PLAUR: variants seen among roughly 807,000 people sequenced by gnomAD.
The protein encoded by PLAUR is plasminogen activator, urokinase receptor, also known as urokinase plasminogen activator surface receptor.
A neutral mutation model predicts 33.4 loss-of-function variants in PLAUR; 22 were observed. That is an observed-to-expected ratio of 0.66 (90% CI 0.47 to 0.94). The LOEUF is 0.94. Among genes scored for constraint, PLAUR ranks in the 40% least tolerant of loss-of-function variants. The pLI is 0.00. For missense variants in PLAUR, 408 were observed against 434.7 expected, an observed-to-expected ratio of 0.94 and a Z score of 0.55; for synonymous variants, 148 against 167.3, an observed-to-expected ratio of 0.88 and a Z score of 0.89.
chr19:43,660,197 G>A (rs1966912786), intron 3 of PLAUR, among the ~76,000 whole-genome samples: 2 of 142,416 alleles, frequency 1.4e-5, no homozygotes, highest in African/African-American at 5.0e-5. Context: ...ACAGAGTCTT[G>A]CCCTCTCGCT....
downstream of PLAUR, chr19:43,646,463 A>G (rs186353857): frequency 2.8e-6 from 2 of 718,284 alleles, no homozygotes; most frequent in Non-Finnish European, 5.2e-6. Flanking sequence ...GCATTTATAC[A>G]TGAGTAGCTT....
chr19:43,650,942 A>G (rs1973968053), intron 6 of PLAUR, among the ~76,000 whole-genome samples: 1 of 149,850 alleles, frequency 6.7e-6, no homozygotes, highest in South Asian at 2.1e-4. Context: ...CTGAGGCAGG[A>G]GGATTGCTTG....
chr19:43,649,697 G>GAAGA (rs370011166), intron 6 of PLAUR, among the ~76,000 whole-genome samples: 46 of 148,580 alleles, frequency 3.1e-4, no homozygotes, highest in African/African-American at 6.4e-4. Flanking sequence ...AGGAAGGAAG[G>GAAGA]AAGAAAGAAA....
downstream of PLAUR, chr19:43,646,634 G>T: frequency 1.5e-6 from 1 of 685,524 alleles, no homozygotes. Flanking sequence ...CATTCTACTG[G>T]TCAAAGCAGT....
At position 43,648,650 on chromosome 19, in the gene PLAUR, C is replaced by T. The variant is rs1056037816; in HGVS notation, c.*240G>A. On this transcript the variant is annotated 3_prime_UTR_variant, in exon 7 of 7. Transcript: ENST00000340093. The stretch of plus-strand genomic sequence containing the variant: ...ATATTAATTAATAACAACAACACAA[C>T]AGCGGCAACAATATTAATAATAACA... The T allele has an allele frequency of 6.5e-6, 5 of 771,206 alleles. No individual in the cohort carries two copies. The highest frequency in any genetic ancestry group is 4.2e-4 in the Middle Eastern group (1 of 2,394). 47.8% of individuals were successfully genotyped at this position (771,206 alleles called of 1,614,324 possible).
At chr19:43,665,113 G>A in intron 3 of PLAUR, 1 of 596,954 alleles carries the variant, frequency 1.7e-6, no homozygotes, top group Non-Finnish European at 3.0e-6. Context: ...GATTGGAGGT[G>A]AAGTTGAGTT....
At chr19:43,656,722 A>T (rs1188874601) in intron 3 of PLAUR, 82 bp from the exon 4 acceptor site, 2 of 1,175,374 alleles carry the variant, frequency 1.7e-6, no homozygotes, top group African/African-American at 3.1e-5. Context: ...ACTCAAAATC[A>T]ATTCCTCCTT....
chr19:43,668,881 GCTCTTCCTTGA>G (rs1967396079), intron 1 of PLAUR, among the ~76,000 whole-genome samples: 1 of 150,930 alleles, frequency 6.6e-6, no homozygotes, highest in South Asian at 2.1e-4. Flanking sequence ...CTCTCCCGTA[GCTCTTCCTTGA>G]GGTTCCAGCC....
chr19:43,659,321 T>C (rs1671074026), intron 3 of PLAUR, among the ~76,000 whole-genome samples: 1 of 152,042 alleles, frequency 6.6e-6, no homozygotes. Context: ...ACCTGGCTGA[T>C]TCCTGTATTT....
At chr19:43,659,831 C>T (rs192929998) in intron 3 of PLAUR, among the ~76,000 whole-genome samples, 1 of 152,174 alleles carries the variant, frequency 6.6e-6, no homozygotes, top group Non-Finnish European at 1.5e-5. Flanking sequence ...TGTTTCTGAC[C>T]TCTATCAAGC....
At chr19:43,667,715 G>A (rs1253242723) in intron 1 of PLAUR, 24 bp from the exon 2 acceptor site, 1 of 1,612,174 alleles carries the variant, frequency 6.2e-7, no homozygotes, top group Admixed American at 1.7e-5. Flanking sequence ...GGAGAGGAGA[G>A]GAGAGGTTAA....
downstream of PLAUR, chr19:43,646,536 C>T (rs1244633034): frequency 1.4e-6 from 1 of 717,684 alleles, no homozygotes; most frequent in Admixed American, 2.0e-5. Context: ...CCAGCTTCCC[C>T]AGAGTGAGCG....
At chr19:43,656,940 C>A in intron 3 of PLAUR, 1 of 202,272 alleles carries the variant, frequency 4.9e-6, no homozygotes, top group Non-Finnish European at 9.8e-6. Flanking sequence ...ACATTTCTTT[C>A]CTTTTTTTTT....
intron 6 of PLAUR, among the ~76,000 whole-genome samples, chr19:43,649,709 AAAG>A (rs1025084329): frequency 1.3e-5 from 2 of 151,780 alleles, no homozygotes; most frequent in Admixed American, 1.3e-4. Context: ...AGAAAGAAAG[AAAG>A]AAAGGGAAAG....
rs868766904 is a variant in PLAUR, at chr19:43,667,640, A to G, written c.107T>C (p.Val36Ala). The G allele has an allele frequency of 1.2e-6, 2 of 1,614,062 alleles. No individual in the cohort carries two copies. Among genetic ancestry groups the G allele is most frequent in the Admixed American group, 1.7e-5 (1 of 60,018 alleles). Reference sequence around the variant, plus strand: ...GTCCTGTCCCAGGGCGCACTCTTCCACACGGCAATCCCCGTTGGTCTTACA... The same window carrying G: ...GTCCTGTCCCAGGGCGCACTCTTCCGCACGGCAATCCCCGTTGGTCTTACA... The part of the protein sequence containing the change: ...MQCKTNGDCR[V>A]EECALGQDLC... The change falls in exon 2 of 7, where the codon GTG becomes GCG. Residue 36 changes from valine (V) to alanine (A), a missense_variant. By Grantham distance (64) the Val-to-Ala change is moderately conservative. Coordinates refer to ENST00000340093, the MANE Select transcript of PLAUR (RefSeq NM_002659.4).
chr19:43,665,750 T>C (rs1217700216), intron 2 of PLAUR, among the ~76,000 whole-genome samples: 2 of 12,314 alleles, frequency 1.6e-4, no homozygotes, highest in Non-Finnish European at 3.7e-4. Context: ...CACTGGAGCC[T>C]TGACCTCCCA....
downstream of PLAUR, among the ~76,000 whole-genome samples, chr19:43,647,178 A>G (rs113246301): frequency 9.9e-3 from 1,501 of 152,130 alleles, 17 homozygotes; most frequent in African/African-American, 0.034. Context: ...AAGAACATGA[A>G]TTTTTCAATA....
At chr19:43,649,274 GC>G in intron 6 of PLAUR, 131 bp from the exon 7 acceptor site, 1 of 1,028,332 alleles carries the variant, frequency 9.7e-7, no homozygotes, top group Non-Finnish European at 1.4e-6. Context: ...AGTTCTCAGG[GC>G]CAGGTGTGGT....
chr19:43,656,398 T>C, intron 4 of PLAUR, 81 bp downstream of exon 4: 1 of 1,293,226 alleles, frequency 7.7e-7, no homozygotes, highest in Non-Finnish European at 1.1e-6. Context: ...GACATCCCTG[T>C]TACTTTGGGG....
Sources: allele counts gnomAD v4.1 joint callset (sites outside exome capture counted in the v4.1 genomes callset), GRCh38; gene constraint gnomAD v4.1.1; transcripts MANE v1.5; gene names NCBI Gene and HGNC (gene_info 2026-07-23, HGNC 2026-07-21).